NRG2: variants seen among roughly 807,000 people sequenced by gnomAD.
NRG2 encodes pro-neuregulin-2, membrane-bound isoform.
In NRG2, 27 loss-of-function variants were observed where a neutral mutation model predicts 73.9. The observed-to-expected ratio is 0.37, with a 90% CI of 0.27 to 0.50. The LOEUF (loss-of-function observed/expected upper bound fraction) is 0.50. Ranked by LOEUF, NRG2 falls within the 20% of genes least tolerant of loss-of-function variation. NRG2 has a pLI of 0.96. For missense variants in NRG2, 1,126 were observed against 1,210.1 expected (o/e 0.93, Z 1.03); for synonymous variants, 532 against 541.0 (o/e 0.98, Z 0.23).
chr5:139,990,024 G>A (rs549837873), intron 1 of NRG2, among the ~76,000 whole-genome samples: 5 of 151,342 alleles, frequency 3.3e-5, no homozygotes, highest in Non-Finnish European at 7.4e-5. Context: ...TCCTGACCTT[G>A]TGATCCGCCC....
chr5:139,940,206 T>C (rs1268478010), intron 1 of NRG2, among the ~76,000 whole-genome samples: 1 of 152,126 alleles, frequency 6.6e-6, no homozygotes. Flanking sequence ...ATGTCCAAGA[T>C]GGGAATGGAT....
chr5:139,880,791 G>C, intron 3 of NRG2, 65 bp downstream of exon 3: 1 of 1,243,160 alleles, frequency 8.0e-7, no homozygotes. Flanking sequence ...CCCAAGGGCT[G>C]GGGGGCCACT....
intron 1 of NRG2, among the ~76,000 whole-genome samples, chr5:139,941,469 G>A (rs998774777): frequency 1.3e-5 from 2 of 152,012 alleles, no homozygotes; most frequent in South Asian, 4.2e-4. Flanking sequence ...TGTTAATGCT[G>A]ATCTGTAATG....
intron 1 of NRG2, among the ~76,000 whole-genome samples, chr5:139,923,931 C>T (rs1270691456): frequency 6.6e-6 from 1 of 152,142 alleles, no homozygotes; most frequent in Non-Finnish European, 1.5e-5. Flanking sequence ...TGGTCATCTC[C>T]CTTGTGCTAG....
At chr5:139,905,795 G>T (rs925454509) in intron 1 of NRG2, among the ~76,000 whole-genome samples, 2 of 152,096 alleles carry the variant, frequency 1.3e-5, no homozygotes, top group African/African-American at 4.8e-5. Context: ...GCAGCAAGGG[G>T]CCCTGGGCAG....
intron 1 of NRG2, among the ~76,000 whole-genome samples, chr5:139,949,937 A>T (rs974141529): frequency 6.6e-6 from 1 of 152,226 alleles, no homozygotes; most frequent in African/African-American, 2.4e-5. Context: ...TAGTACTGCT[A>T]CATTCTTTGC....
chr5:139,995,066 G>A (rs1757924338), intron 1 of NRG2, among the ~76,000 whole-genome samples: 1 of 152,162 alleles, frequency 6.6e-6, no homozygotes, highest in Non-Finnish European at 1.5e-5. Context: ...GTGATAAAAG[G>A]GGTACTTTTA....
chr5:139,934,122 C>A (rs1040043962), intron 1 of NRG2, among the ~76,000 whole-genome samples: 2 of 152,140 alleles, frequency 1.3e-5, no homozygotes, highest in African/African-American at 2.4e-5. Context: ...TTGCTTGAGT[C>A]CGGGAGGTTC....
intron 1 of NRG2, among the ~76,000 whole-genome samples, chr5:139,985,940 G>A (rs1000186299): frequency 6.6e-6 from 1 of 152,160 alleles, no homozygotes; most frequent in Non-Finnish European, 1.5e-5. Flanking sequence ...CAGTGTGCAA[G>A]CCAAGACTAG....
At chr5:139,874,896 G>A (rs1763074777) in intron 3 of NRG2, among the ~76,000 whole-genome samples, 1 of 152,200 alleles carries the variant, frequency 6.6e-6, no homozygotes, top group South Asian at 2.1e-4. Flanking sequence ...GTGTCTCAGG[G>A]AGGCCTCACC....
At chr5:139,888,511 C>T (rs1051596061) in intron 1 of NRG2, among the ~76,000 whole-genome samples, 18 of 152,138 alleles carry the variant, frequency 1.2e-4, no homozygotes, top group Admixed American at 1.0e-3. Context: ...CTGTTGGAGC[C>T]AGGGAGTTGT....
chr5:139,935,917 C>T (rs186752258), intron 1 of NRG2, among the ~76,000 whole-genome samples: 25 of 149,558 alleles, frequency 1.7e-4, no homozygotes, highest in African/African-American at 5.9e-4. Flanking sequence ...CAAGACTGCA[C>T]CACTGCACTT....
rs1761636709 is a variant in NRG2 at position 139,853,853 on chromosome 5, C to T, written c.1293-826G>A. Among the ~76,000 whole-genome samples, 1 of 152,038 alleles carries T rather than the reference C, an allele frequency of 6.6e-6. No individual in the cohort carries two copies. Among genetic ancestry groups the T allele is most frequent in the Admixed American group, 6.6e-5 (1 of 15,264 alleles). ...GTTAGAAGGAAAAAGACCTAGTATT[C>T]AATAGCATATGGGGTGACTATAGTC... On this transcript the variant is annotated intron_variant, in intron 6 of 9. Coordinates refer to ENST00000361474, the MANE Select transcript of NRG2 (RefSeq NM_004883.3). The surrounding 1 kb of genome is among the most constrained non-coding windows in gnomAD (Gnocchi z 4.1).
rs1055952883 is a variant in NRG2 at position 139,954,477 on chromosome 5, A to G, written c.701-66966T>C. Among the ~76,000 whole-genome samples, 1 of 152,180 alleles carries G rather than the reference A, an allele frequency of 6.6e-6. No homozygotes were observed. Among genetic ancestry groups the G allele is most frequent in the East Asian group, 1.9e-4 (1 of 5,196 alleles). On this transcript the variant is annotated intron_variant, in intron 1 of 9. Transcript: ENST00000361474. This position sits in a 1 kb window ranked among gnomAD's most constrained non-coding sequence, Gnocchi z 5.0. ...AATTCATCCATCACACCATGGCCAA[A>G]TTCATCCCACCACCCACTCTCCTGC...
At chr5:139,949,095 T>C (rs924621636) in intron 1 of NRG2, among the ~76,000 whole-genome samples, 7 of 152,190 alleles carry the variant, frequency 4.6e-5, no homozygotes, top group Admixed American at 1.3e-4. Context: ...ATGAAACTGA[T>C]AAGACTAATT....
chr5:139,972,853 C>T (rs1183303813), intron 1 of NRG2, among the ~76,000 whole-genome samples: 1 of 151,966 alleles, frequency 6.6e-6, no homozygotes, highest in East Asian at 1.9e-4. Flanking sequence ...AAGATAAATA[C>T]CTCAACAGAA....
At chr5:139,971,203 G>A (rs182613977) in intron 1 of NRG2, among the ~76,000 whole-genome samples, 1 of 152,112 alleles carries the variant, frequency 6.6e-6, no homozygotes, top group African/African-American at 2.4e-5. Flanking sequence ...TTCCCTGAGA[G>A]CCCCCAGGGT....
chr5:139,935,288 C>T (rs1250670094), intron 1 of NRG2, among the ~76,000 whole-genome samples: 1 of 152,204 alleles, frequency 6.6e-6, no homozygotes, highest in Admixed American at 6.5e-5. Flanking sequence ...GAGATTTCAA[C>T]ACCTTCTCTG....
At chr5:139,892,993 C>T (rs1287240975) in intron 1 of NRG2, among the ~76,000 whole-genome samples, 2 of 152,166 alleles carry the variant, frequency 1.3e-5, no homozygotes, top group African/African-American at 4.8e-5. Flanking sequence ...AAGAGTTTAG[C>T]TTGTCCCCTT....
Sources: allele counts gnomAD v4.1 joint callset (sites outside exome capture counted in the v4.1 genomes callset), GRCh38; gene constraint gnomAD v4.1.1; non-coding constraint Gnocchi (gnomAD v3.1); transcripts MANE v1.5; gene names NCBI Gene and HGNC (gene_info 2026-07-23, HGNC 2026-07-21).